The following IFT88 variants were observed in gnomAD, a reference collection of about 807,000 sequenced individuals.
The protein encoded by IFT88 is intraflagellar transport 88.
Under a neutral mutation model 119.5 loss-of-function variants are expected in IFT88, and 74 were observed. The observed-to-expected ratio is 0.62, with a 90% CI of 0.51 to 0.75. The LOEUF is 0.75. Ranked by LOEUF, IFT88 falls within the 30% of genes least tolerant of loss-of-function variation. IFT88 has a pLI of 0.00. For synonymous variants in IFT88, 279 were observed against 316.7 expected (o/e 0.88, Z 1.26); for missense variants, 961 against 977.7 (o/e 0.98, Z 0.23).
At chr13:20,676,435 C>T (rs540945701) in intron 24 of IFT88, among the ~76,000 whole-genome samples, 1 of 152,318 alleles carries the variant, frequency 6.6e-6, no homozygotes, top group African/African-American at 2.4e-5. Flanking sequence ...ACTGTGACTC[C>T]CGCCTGACAA....
chr13:20,675,082 G>A (rs1366699154), intron 24 of IFT88, among the ~76,000 whole-genome samples: 1 of 151,972 alleles, frequency 6.6e-6, no homozygotes, highest in Non-Finnish European at 1.5e-5. Flanking sequence ...TTTTGCTGGG[G>A]CCTGATGGTG....
intron 15 of IFT88, among the ~76,000 whole-genome samples, chr13:20,627,730 C>CAAA (rs58325378): frequency 2.7e-4 from 22 of 80,252 alleles, no homozygotes; most frequent in East Asian, 4.5e-4. Context: ...GACTTCATCT[C>CAAA]AAAAAAAAAA....
chr13:20,585,658 C>G (rs1403553517), intron 3 of IFT88, among the ~76,000 whole-genome samples: 1 of 152,186 alleles, frequency 6.6e-6, no homozygotes, highest in East Asian at 1.9e-4. Context: ...CATTGATAGA[C>G]TGACCAGTGG....
At chr13:20,667,826 C>G (rs898254579) in intron 23 of IFT88, among the ~76,000 whole-genome samples, 1 of 152,070 alleles carries the variant, frequency 6.6e-6, no homozygotes, top group Non-Finnish European at 1.5e-5. Flanking sequence ...TGGATCTGCC[C>G]CACTGTCACC....
Position 20,601,840 on chromosome 13 carries a change from T to G in IFT88, c.948T>G (p.Phe316Leu), listed in dbSNP as rs1476658538. 6.2e-7 allele frequency: 1 copy of G among 1,613,488 alleles called. No individual in the cohort carries two copies. The highest frequency in any genetic ancestry group is 2.2e-5 in the East Asian group (1 of 44,834). ...KAGYNLTICY[F>L]AIGDREKMKK... Reference sequence around the variant, plus strand: ...GCTACAACCTAACTATCTGTTATTTTGCTATTGGAGACCGAGAAAAAATGA... The same window carrying G: ...GCTACAACCTAACTATCTGTTATTTGGCTATTGGAGACCGAGAAAAAATGA... The change falls in exon 12 of 26, where the codon TTT (phenylalanine) becomes TTG (leucine). Residue 316 changes from phenylalanine to leucine, a missense_variant. Coordinates refer to ENST00000351808, the MANE Select transcript of IFT88 (RefSeq NM_006531.5).
chr13:20,609,846 G>GTAA (rs1423217607), intron 13 of IFT88, among the ~76,000 whole-genome samples: 2 of 152,300 alleles, frequency 1.3e-5, no homozygotes, highest in South Asian at 4.1e-4. Context: ...ACCCCAGTAG[G>GTAA]TAACCCTGAG....
intron 11 of IFT88, 84 bp downstream of exon 11, chr13:20,599,649 G>T: frequency 1.5e-6 from 1 of 649,466 alleles, no homozygotes; most frequent in Non-Finnish European, 2.7e-6. Flanking sequence ...TTTTCAGTGG[G>T]TTGAACATTT....
chr13:20,620,629 G>T (rs1197832423), intron 14 of IFT88, among the ~76,000 whole-genome samples: 2 of 151,502 alleles, frequency 1.3e-5, no homozygotes, highest in African/African-American at 4.9e-5. Context: ...GCAGTGGCGC[G>T]ATCTCGGCTC....
intron 23 of IFT88, among the ~76,000 whole-genome samples, chr13:20,669,469 GC>G: frequency 6.6e-6 from 1 of 151,014 alleles, no homozygotes; most frequent in South Asian, 2.1e-4. Context: ...TGTCGCCCAG[GC>G]TGGCATACAA....
chr13:20,632,658 CAG>C (rs2048375131), intron 16 of IFT88, among the ~76,000 whole-genome samples: 1 of 152,186 alleles, frequency 6.6e-6, no homozygotes, highest in Non-Finnish European at 1.5e-5. Flanking sequence ...CTCTCCTTGG[CAG>C]ATAGTCTCAC....
rs1032388633 is a variant in IFT88 at position 20,663,602 on chromosome 13, C to T, written c.2173C>T (p.Gln725Ter). ...GGAAAAAATGAAAGAAATAAGGGAA[C>T]AGGTATCTCATATGGGCCCCAAACT... ...RLEKMKEIRE[Q>*]RIKSGRDGSG... is the part of the protein sequence containing the mutation. The change falls in exon 23 of 26, where the codon CAG becomes TAG. Residue 725 changes from glutamine to a stop codon, truncating the protein, a stop_gained and splice_region_variant. Coordinates refer to ENST00000351808, the MANE Select transcript of IFT88 (RefSeq NM_006531.5). LOFTEE classifies it high-confidence loss of function. 4 of 1,606,392 alleles carry T rather than the reference C, an allele frequency of 2.5e-6. No individual in the cohort carries two copies. Among genetic ancestry groups the T allele is most frequent in the Admixed American group, 1.7e-5 (1 of 59,870 alleles).
rs1324824062 is a variant in IFT88 at position 20,670,969 on chromosome 13, C to G, written c.2176-4C>G. 6.8e-6 allele frequency: 11 copies of G among 1,613,270 alleles called. No individual in the cohort carries two copies. The highest frequency in any genetic ancestry group is 2.2e-5 in the East Asian group (1 of 44,838). ...CTTTTAAACTTGTCTTCTCTTTGCT[C>G]TAGCGCATAAAGTCAGGCAGAGATG... On this transcript the variant is annotated splice_polypyrimidine_tract_variant and splice_region_variant and intron_variant, in intron 23 of 25. Coordinates refer to ENST00000351808, the MANE Select transcript of IFT88 (RefSeq NM_006531.5).
intron 6 of IFT88, 144 bp downstream of exon 6, chr13:20,591,825 G>A: frequency 1.7e-6 from 1 of 584,006 alleles, no homozygotes; most frequent in Non-Finnish European, 2.9e-6. Context: ...GTACCATTAA[G>A]AAAGGAAAAG....
chr13:20,580,668 G>C (rs750869534), intron 2 of IFT88, among the ~76,000 whole-genome samples: 12 of 151,522 alleles, frequency 7.9e-5, no homozygotes, highest in Non-Finnish European at 1.5e-4. Context: ...CACTACCTGG[G>C]ATAGAGTCCC....
chr13:20,603,298 G>A (rs1455995246), intron 12 of IFT88, among the ~76,000 whole-genome samples: 3 of 150,146 alleles, frequency 2.0e-5, no homozygotes, highest in Non-Finnish European at 4.4e-5. Context: ...TGAGGCAGGA[G>A]AATCACTTGA....
intron 24 of IFT88, among the ~76,000 whole-genome samples, chr13:20,685,323 C>T (rs1030575515): frequency 2.0e-5 from 3 of 152,210 alleles, no homozygotes; most frequent in Admixed American, 1.3e-4. Flanking sequence ...TGATAGCCAT[C>T]ACGAGCATGC....
intron 24 of IFT88, among the ~76,000 whole-genome samples, chr13:20,675,298 A>C (rs557785035): frequency 1.2e-4 from 19 of 152,278 alleles, no homozygotes; most frequent in Admixed American, 1.0e-3. Context: ...TCTAAGGATC[A>C]TGCCTGTCAG....
rs1009526853 is a variant in IFT88, at chr13:20,638,434, A to C, written c.1489A>C (p.Asn497His). The C allele has an allele frequency of 6.5e-7, 1 of 1,531,790 alleles. No individual in the cohort carries two copies. Among genetic ancestry groups the C allele is most frequent in the Non-Finnish European group, 8.7e-7 (1 of 1,145,062 alleles). 94.9% of individuals were successfully genotyped at this position (1,531,790 alleles called of 1,614,324 possible). ...LTNKGNTVFA[N>H]GDYEKAAEFY... ...TAATAAAGGGAATACAGTTTTTGCA[A>C]ATGGTGATTATGAGAAGGCCGCTGA... The change falls in exon 17 of 26, where the codon AAT becomes CAT. Residue 497 changes from asparagine to histidine, a missense_variant. Asn to His is a moderately conservative substitution (Grantham distance 68). Coordinates refer to ENST00000351808, the MANE Select transcript of IFT88 (RefSeq NM_006531.5).
At chr13:20,637,211 T>C (rs2049146991) in intron 16 of IFT88, among the ~76,000 whole-genome samples, 2 of 152,198 alleles carry the variant, frequency 1.3e-5, no homozygotes, top group African/African-American at 4.8e-5. Context: ...TGGCAATGGT[T>C]GCACAACTTT....
Sources: gnomAD v4.1 joint callset for allele counts (sites outside exome capture counted in the v4.1 genomes callset) on GRCh38, gnomAD v4.1.1 for gene constraint, MANE v1.5 for transcripts, NCBI Gene and HGNC (gene_info 2026-07-23, HGNC 2026-07-21) for gene names.